The following SORCS3 variants were observed in gnomAD, a reference collection of about 807,000 sequenced individuals.
The protein encoded by SORCS3 is VPS10 domain-containing receptor SorCS3.
Under a neutral mutation model 146.3 loss-of-function variants are expected in SORCS3, and 57 were observed. The observed-to-expected ratio is 0.39, with a 90% CI of 0.31 to 0.49. The LOEUF (loss-of-function observed/expected upper bound fraction) is 0.49. Among genes scored for constraint, SORCS3 ranks in the 20% least tolerant of loss-of-function variants. SORCS3 has a pLI of 0.92. For synonymous variants in SORCS3, 653 were observed against 618.5 expected, an observed-to-expected ratio of 1.06 and a Z score of -0.83; for missense variants, 1,341 against 1,575.5, an observed-to-expected ratio of 0.85 and a Z score of 2.52.
chr10:105,195,361 G>A (rs1375307516), intron 14 of SORCS3, among the ~76,000 whole-genome samples: 1 of 152,080 alleles, frequency 6.6e-6, no homozygotes, highest in Non-Finnish European at 1.5e-5. Flanking sequence ...AGAATCAAGA[G>A]GACCTTCTCA....
At chr10:104,873,560 T>TG (rs1168268890) in intron 2 of SORCS3, among the ~76,000 whole-genome samples, 1 of 152,220 alleles carries the variant, frequency 6.6e-6, no homozygotes, top group Non-Finnish European at 1.5e-5. Context: ...AATTGCCTTT[T>TG]GGGGGCAGAG....
chr10:105,126,591 G>A (rs533998847), intron 7 of SORCS3, among the ~76,000 whole-genome samples: 13 of 152,296 alleles, frequency 8.5e-5, no homozygotes, highest in South Asian at 4.1e-4. Flanking sequence ...ATATGTGCAT[G>A]TGTGTATGAA....
At chr10:104,854,797 T>C (rs2133555755) in intron 2 of SORCS3, among the ~76,000 whole-genome samples, 1 of 152,332 alleles carries the variant, frequency 6.6e-6, no homozygotes, top group South Asian at 2.1e-4. Flanking sequence ...AAAAATGTTA[T>C]AGGGTCATAC....
chr10:105,242,672 A>C (rs2056838764), intron 20 of SORCS3, among the ~76,000 whole-genome samples: 1 of 102,830 alleles, frequency 9.7e-6, no homozygotes, highest in Non-Finnish European at 1.7e-5. Context: ...ATATATATTT[A>C]TATATATTTA....
At chr10:104,852,912 G>A (rs1048377838) in intron 2 of SORCS3, among the ~76,000 whole-genome samples, 2 of 152,196 alleles carry the variant, frequency 1.3e-5, no homozygotes, top group Non-Finnish European at 2.9e-5. Flanking sequence ...TGGTCATGAG[G>A]TGCTGCTCCC....
At chr10:105,203,363 G>T (rs1481451058) in intron 16 of SORCS3, among the ~76,000 whole-genome samples, 1 of 152,154 alleles carries the variant, frequency 6.6e-6, no homozygotes, top group Non-Finnish European at 1.5e-5. Flanking sequence ...AGCAATGAGT[G>T]CAGTAGGCCA....
intron 1 of SORCS3, among the ~76,000 whole-genome samples, chr10:104,652,755 G>C (rs1031892519): frequency 2.0e-5 from 3 of 152,156 alleles, no homozygotes; most frequent in Non-Finnish European, 4.4e-5. Context: ...ATTTGCCCCA[G>C]GTTGTGACCT....
Position 104,641,728 on chromosome 10 carries a change from C to A in SORCS3, c.401C>A (p.Ala134Glu). ...KLGGARRSRR[A>E]QPPITQERGD... ...GGCGGCGCGAGGAGGAGTCGCCGGG[C>A]GCAGCCCCCAATCACCCAGGAACGC... is the stretch of plus-strand genomic sequence containing the variant. The change falls in exon 1 of 27, where the codon GCG becomes GAG. Residue 134 changes from alanine (A) to glutamate (E), a missense_variant. Transcript: ENST00000369701. This position sits in a 1 kb window ranked among gnomAD's most constrained non-coding sequence, Gnocchi z 6.4. The A allele has an allele frequency of 6.5e-7, 1 of 1,543,714 alleles. No individual in the cohort carries two copies. Among genetic ancestry groups the A allele is most frequent in the African/African-American group, 1.4e-5 (1 of 72,804 alleles).
intron 3 of SORCS3, among the ~76,000 whole-genome samples, chr10:104,973,733 G>C (rs1162085861): frequency 2.0e-5 from 3 of 148,612 alleles, no homozygotes; most frequent in Non-Finnish European, 4.4e-5. Context: ...CTTGCCTTCT[G>C]CTAGCTTTTG....
At chr10:104,678,874 G>C (rs1258809122) in intron 1 of SORCS3, among the ~76,000 whole-genome samples, 1 of 152,152 alleles carries the variant, frequency 6.6e-6, no homozygotes, top group East Asian at 1.9e-4. Context: ...AGCCAAACAA[G>C]AGAATCATTC....
At chr10:104,642,022 G>GGGGGGGCGCCCCC in intron 1 of SORCS3, 68 bp downstream of exon 1, 1 of 173,336 alleles carries the variant, frequency 5.8e-6, no homozygotes, top group Non-Finnish European at 1.1e-5. Context: ...GGGTGGGTGG[G>GGGGGGGCGCCCCC]AGCGAGGGAC....
chr10:104,848,126 A>G (rs558306061), intron 2 of SORCS3, among the ~76,000 whole-genome samples: 18 of 152,236 alleles, frequency 1.2e-4, no homozygotes, highest in Non-Finnish European at 2.4e-4. Context: ...AAGGATTTGG[A>G]GACCTGACGA....
intron 14 of SORCS3, among the ~76,000 whole-genome samples, chr10:105,184,405 G>A (rs759993009): frequency 6.6e-6 from 1 of 152,138 alleles, no homozygotes; most frequent in Non-Finnish European, 1.5e-5. Context: ...CTCTCAGCTT[G>A]TGGGCCGTCC....
rs2018954662 is a variant in SORCS3 at position 104,910,415 on chromosome 10, T to C, written c.696-5418T>C. 2.6e-5 allele frequency among the ~76,000 whole-genome samples: 4 copies of C among 152,212 alleles called. No homozygotes were observed. In the South Asian group the frequency reaches 8.3e-4, roughly 32 times the overall value. Reference sequence around the variant, plus strand: ...ATGTTTGTTGTAACATTGTTTATAATAGCAAATTAAAAAAAATACTTCTCA... The same window carrying C: ...ATGTTTGTTGTAACATTGTTTATAACAGCAAATTAAAAAAAATACTTCTCA... On this transcript the variant is annotated intron_variant, in intron 2 of 26. Transcript: ENST00000369701.
At chr10:104,819,970 G>T (rs976908123) in intron 1 of SORCS3, among the ~76,000 whole-genome samples, 4 of 152,170 alleles carry the variant, frequency 2.6e-5, no homozygotes, top group African/African-American at 9.7e-5. Flanking sequence ...GTTTAGAATG[G>T]AAAGTTGGCT....
At chr10:105,127,233 T>C (rs1163991275) in intron 7 of SORCS3, among the ~76,000 whole-genome samples, 1 of 152,126 alleles carries the variant, frequency 6.6e-6, no homozygotes, top group East Asian at 1.9e-4. Context: ...AGCTCTTTTA[T>C]AGCCCCTGAT....
intron 7 of SORCS3, among the ~76,000 whole-genome samples, chr10:105,109,601 G>A (rs1199490514): frequency 6.6e-6 from 1 of 151,890 alleles, no homozygotes; most frequent in African/African-American, 2.4e-5. Flanking sequence ...ATTTCTCAGG[G>A]TATAAAATGT....
In SORCS3 at chr10:104,704,988, C is replaced by G. The variant is rs534454370; in HGVS notation, c.627+63034C>G. Among the ~76,000 whole-genome samples, 11 of 152,258 alleles carry G rather than the reference C, an allele frequency of 7.2e-5. No homozygotes were observed. The South Asian group carries it at 2.3e-3, about 32-fold the overall frequency. On this transcript the variant is annotated intron_variant, in intron 1 of 26. Transcript: ENST00000369701. Reference sequence around the variant, plus strand: ...CCACCACAAGTCTGGTTCAAATGCTCCACCTTAACCCCCTCTTCCCTCATT... The same window carrying G: ...CCACCACAAGTCTGGTTCAAATGCTGCACCTTAACCCCCTCTTCCCTCATT...
intron 1 of SORCS3, among the ~76,000 whole-genome samples, chr10:104,743,265 A>G (rs1331063590): frequency 6.6e-6 from 1 of 152,198 alleles, no homozygotes; most frequent in East Asian, 1.9e-4. Flanking sequence ...TGTAGACTAG[A>G]GCAACCATGA....
Sources: allele counts gnomAD v4.1 joint callset (sites outside exome capture counted in the v4.1 genomes callset), GRCh38; gene constraint gnomAD v4.1.1; non-coding constraint Gnocchi (gnomAD v3.1); transcripts MANE v1.5; gene names NCBI Gene and HGNC (gene_info 2026-07-23, HGNC 2026-07-21).